TBC1D8B: variants seen among roughly 807,000 people sequenced by gnomAD.
TBC1D8B encodes RP11-321G1.1.
Under a neutral mutation model 82.9 loss-of-function variants are expected in TBC1D8B, and 75 were observed. The ratio of observed to expected loss-of-function variants is 0.90; its 90% CI spans 0.75 to 1.10. The LOEUF is 1.10. TBC1D8B is among the 50% of genes least tolerant of loss of function. TBC1D8B has a pLI of 0.00. For synonymous variants in TBC1D8B, 276 were observed against 276.8 expected, an observed-to-expected ratio of 1.00 and a Z score of 0.03; for missense variants, 794 against 796.9, an observed-to-expected ratio of 1.00 and a Z score of 0.04.
In TBC1D8B at chrX:106,802,745, G is replaced by A. The variant is rs753908128; in HGVS notation, c.-109G>A. On this transcript the variant is annotated 5_prime_UTR_variant, in exon 1 of 21. Transcript: ENST00000357242. ...GTGGAAAACCTGAACCTGAGCTGCT[G>A]TCGCCTGAGGAAGATTTGGTGGGAG... is the stretch of plus-strand genomic sequence containing the variant. The A allele has an allele frequency of 4.5e-6, 5 of 1,104,803 alleles. No individual in the cohort carries two copies. The East Asian group carries it at 1.6e-4, about 35-fold the overall frequency. 91.0% of individuals were successfully genotyped at this position (1,104,803 alleles called of 1,213,427 possible).
At chrX:106,847,380 G>GA (rs972121361) in intron 10 of TBC1D8B, among the ~76,000 whole-genome samples, 3 of 111,438 alleles carry the variant, frequency 2.7e-5, no homozygotes, top group African/African-American at 9.8e-5. Context: ...GAAAAAGGAA[G>GA]AAAAAACTGC....
Position 106,826,212 on chromosome X carries a change from GTA to G in TBC1D8B, c.1011_1012del (p.Cys337TrpfsTer14). On this transcript the variant is annotated frameshift_variant, in exon 6 of 21. Transcript: ENST00000357242. LOFTEE classifies it high-confidence loss of function. ...TTTGCTAGCCAAGATGGCAATCAGTGTAGTGTAATCATTCCACTACGAGAGGT... is the reference window on the plus strand; with the variant it reads ...TTTGCTAGCCAAGATGGCAATCAGTGGTGTAATCATTCCACTACGAGAGGT... The G allele has an allele frequency of 8.3e-7, 1 of 1,210,142 alleles. No individual in the cohort carries two copies. The highest frequency in any genetic ancestry group is 1.1e-6 in the Non-Finnish European group (1 of 894,621).
At chrX:106,865,495 A>G (rs1467920033) in intron 14 of TBC1D8B, 64 bp from the exon 15 acceptor site, 4 of 920,534 alleles carry the variant, frequency 4.3e-6, no homozygotes, top group African/African-American at 3.9e-5. Context: ...AAGGTAATTC[A>G]AAGAGAATTT....
chrX:106,865,524 A>G (rs1932808164), intron 14 of TBC1D8B, 35 bp from the exon 15 acceptor site: 1 of 1,117,639 alleles, frequency 8.9e-7, no homozygotes, highest in Non-Finnish European at 1.2e-6. Context: ...CAATGTTAAA[A>G]TCTGTGTACT....
chrX:106,841,507 G>GA (rs11390055), intron 10 of TBC1D8B, among the ~76,000 whole-genome samples: 6,617 of 110,345 alleles, frequency 0.06, 540 homozygotes, highest in African/African-American at 0.21. Context: ...AGTAGTTGGA[G>GA]AAAAAAAATC....
chrX:106,822,286 A>C (rs1931717775), intron 4 of TBC1D8B, 84 bp downstream of exon 4: 1 of 757,254 alleles, frequency 1.3e-6, no homozygotes, highest in Non-Finnish European at 1.9e-6. Flanking sequence ...TAAATAAAAT[A>C]ATAGGATTGA....
Position 106,874,256 on chromosome X carries a change from T to C in TBC1D8B, c.*291T>C, listed in dbSNP as rs1602442978. On this transcript the variant is annotated 3_prime_UTR_variant, in exon 21 of 21. Transcript: ENST00000357242. The stretch of plus-strand genomic sequence containing the variant: ...TTTTTATATTTCACAATATATGCAA[T>C]ATCAGGGGAATATGCTAAATGTTAC... 1.7e-5 allele frequency: 3 copies of C among 177,268 alleles called. No individual in the cohort carries two copies. The East Asian group carries it at 3.5e-4, about 20-fold the overall frequency. The allele number at this position is 177,268 out of a possible 1,213,427, so 14.6% of individuals were successfully genotyped here.
chrX:106,838,488 T>C (rs1363214391), intron 7 of TBC1D8B, among the ~76,000 whole-genome samples: 1 of 111,943 alleles, frequency 8.9e-6, no homozygotes, highest in Non-Finnish European at 1.9e-5. Flanking sequence ...CTTTCAAAGA[T>C]AGCCAGAGTT....
At chrX:106,839,911 T>G (rs1388986312) in intron 8 of TBC1D8B, 137 bp from the exon 9 acceptor site, 3 of 552,938 alleles carry the variant, frequency 5.4e-6, no homozygotes, top group African/African-American at 4.8e-5. Flanking sequence ...GTTTCACCCC[T>G]GGGTGAATAC....
intron 13 of TBC1D8B, 114 bp from the exon 14 acceptor site, chrX:106,854,084 T>G (rs1325675586): frequency 3.7e-6 from 2 of 534,486 alleles, no homozygotes; most frequent in Non-Finnish European, 5.5e-6. Context: ...GTCAGGAAAT[T>G]CCCTAGAAAT....
intron 7 of TBC1D8B, among the ~76,000 whole-genome samples, chrX:106,834,107 A>G (rs1932111161): frequency 9.0e-6 from 1 of 111,143 alleles, no homozygotes; most frequent in Non-Finnish European, 1.9e-5. Flanking sequence ...AATCCTATCT[A>G]TACTCATCTG....
intron 13 of TBC1D8B, 61 bp downstream of exon 13, chrX:106,853,711 C>A (rs915708610): frequency 1.9e-6 from 2 of 1,046,259 alleles, no homozygotes; most frequent in East Asian, 3.1e-5. Context: ...GAACTATGGT[C>A]TATCTCTAAT....
chrX:106,846,616 G>A (rs1171822925), intron 10 of TBC1D8B, among the ~76,000 whole-genome samples: 1 of 111,490 alleles, frequency 9.0e-6, no homozygotes, highest in East Asian at 2.8e-4. Flanking sequence ...CTTTTATAGA[G>A]GAGAGCATTT....
chrX:106,803,368 T>A (rs1931090216), intron 1 of TBC1D8B, among the ~76,000 whole-genome samples: 1 of 111,190 alleles, frequency 9.0e-6, no homozygotes, highest in Non-Finnish European at 1.9e-5. Flanking sequence ...ACAGAACCCA[T>A]ACCGATCATC....
chrX:106,847,738 G>A (rs1932488631), intron 10 of TBC1D8B, among the ~76,000 whole-genome samples: 1 of 111,310 alleles, frequency 9.0e-6, no homozygotes. Flanking sequence ...ACTTGATAGG[G>A]GAAAGAAGAT....
intron 14 of TBC1D8B, among the ~76,000 whole-genome samples, chrX:106,860,092 C>T (rs140038970): frequency 0.032 from 3,546 of 111,336 alleles, 57 homozygotes; most frequent in Middle Eastern, 0.071. Flanking sequence ...ATTTGGTTTG[C>T]TAGTAGTTTG....
At chrX:106,867,959 G>T (rs1932825001) in intron 17 of TBC1D8B, among the ~76,000 whole-genome samples, 2 of 110,801 alleles carry the variant, frequency 1.8e-5, no homozygotes, top group Admixed American at 1.9e-4. Context: ...AAAAAAATAG[G>T]AAAAACATTA....
At chrX:106,869,618 A>G in intron 19 of TBC1D8B, 77 bp downstream of exon 19, 1 of 828,366 alleles carries the variant, frequency 1.2e-6, no homozygotes, top group Non-Finnish European at 1.7e-6. Flanking sequence ...AAGGGGGAAA[A>G]GGTGGATTCC....
intron 14 of TBC1D8B, among the ~76,000 whole-genome samples, chrX:106,863,119 G>A (rs959858999): frequency 1.8e-5 from 2 of 112,184 alleles, no homozygotes; most frequent in African/African-American, 3.2e-5. Flanking sequence ...TGGCAGCGTG[G>A]CAGCATACAC....
Sources: allele counts gnomAD v4.1 joint callset (sites outside exome capture counted in the v4.1 genomes callset), GRCh38; gene constraint gnomAD v4.1.1; transcripts MANE v1.5; gene names NCBI Gene and HGNC (gene_info 2026-07-23, HGNC 2026-07-21).